Variants in GRM7 observed in about 807,000 individuals in gnomAD.
The protein encoded by GRM7 is metabotropic glutamate receptor 7.
Under a neutral mutation model 84.5 loss-of-function variants are expected in GRM7, and 35 were observed. The ratio of observed to expected loss-of-function variants is 0.41; its 90% CI spans 0.32 to 0.55. The LOEUF is 0.55. Ranked by LOEUF, GRM7 falls within the 20% of genes least tolerant of loss-of-function variation. The pLI is 0.19. For missense variants in GRM7, 1,003 were observed against 1,194.6 expected (o/e 0.84, Z 2.36); for synonymous variants, 487 against 455.1 (o/e 1.07, Z -0.89).
At chr3:6,910,473 A>G (rs1182360938) in intron 1 of GRM7, among the ~76,000 whole-genome samples, 2 of 152,174 alleles carry the variant, frequency 1.3e-5, no homozygotes, top group African/African-American at 4.8e-5. Context: ...AAGGGGACAC[A>G]GGCAGTGTGC....
chr3:7,411,302 A>T (rs903998507), intron 4 of GRM7, among the ~76,000 whole-genome samples: 3 of 152,172 alleles, frequency 2.0e-5, no homozygotes, highest in Non-Finnish European at 4.4e-5. Flanking sequence ...CCAAATTTAA[A>T]CCACTGCCAT....
chr3:7,045,256 T>C (rs1395641459), intron 1 of GRM7, among the ~76,000 whole-genome samples: 2 of 152,180 alleles, frequency 1.3e-5, no homozygotes, highest in Non-Finnish European at 2.9e-5. Flanking sequence ...CAGCCTTCCA[T>C]TTGAAGTTCC....
intron 7 of GRM7, among the ~76,000 whole-genome samples, chr3:7,554,644 G>A (rs1430445585): frequency 6.6e-6 from 1 of 152,208 alleles, no homozygotes; most frequent in Non-Finnish European, 1.5e-5. Flanking sequence ...TGGGCAGACA[G>A]TAGGGATTGG....
chr3:7,499,447 A>G (rs4686129), intron 7 of GRM7, among the ~76,000 whole-genome samples: 91,216 of 151,960 alleles, frequency 0.6, 27,753 homozygotes, highest in East Asian at 0.74. Context: ...GATCCCTGAT[A>G]GAGTAACTTC....
chr3:7,601,754 G>A (rs1454339117), intron 8 of GRM7, among the ~76,000 whole-genome samples: 1 of 152,024 alleles, frequency 6.6e-6, no homozygotes, highest in Admixed American at 6.6e-5. Context: ...AGCAACTGGG[G>A]CCATGTACCT....
chr3:7,312,426 A>C (rs59164490), intron 4 of GRM7, among the ~76,000 whole-genome samples: 9,296 of 151,982 alleles, frequency 0.061, 944 homozygotes, highest in African/African-American at 0.21. Context: ...TAGGTGGACA[A>C]CCTTTGGGGA....
At position 7,600,259 on chromosome 3, in the gene GRM7, A is replaced by G. The variant is rs147212897; in HGVS notation, c.2451+20902A>G. 4.6e-3 allele frequency among the ~76,000 whole-genome samples: 696 copies of G among 152,282 alleles called. 4 individuals are homozygous for G. Among genetic ancestry groups the G allele is most frequent in the Middle Eastern group, 0.014 (4 of 294 alleles). ...GGTATAGTGTTTGTTAGGAAGAAAA[A>G]GCAATTTTAATTTAGAGGGAAACAG... is the stretch of plus-strand genomic sequence containing the variant. On this transcript the variant is annotated intron_variant, in intron 8 of 9. Coordinates refer to ENST00000357716, the MANE Select transcript of GRM7 (RefSeq NM_000844.4).
chr3:7,124,746 G>GT (rs1559456144), intron 1 of GRM7, among the ~76,000 whole-genome samples: 1 of 152,086 alleles, frequency 6.6e-6, no homozygotes, highest in Non-Finnish European at 1.5e-5. Context: ...CCATCACAAT[G>GT]AGAACTTTTT....
intron 1 of GRM7, among the ~76,000 whole-genome samples, chr3:7,010,855 C>A (rs1472476): frequency 1.3e-5 from 2 of 151,920 alleles, no homozygotes; most frequent in Non-Finnish European, 2.9e-5. Context: ...CATGGAACTG[C>A]CAGAAAATGG....
At chr3:7,434,005 C>G (rs550437754) in intron 5 of GRM7, among the ~76,000 whole-genome samples, 1 of 70,978 alleles carries the variant, frequency 1.4e-5, no homozygotes, top group African/African-American at 6.2e-5. Context: ...TTTGATTTCT[C>G]TCTTGTTTTC....
intron 4 of GRM7, among the ~76,000 whole-genome samples, chr3:7,316,247 A>G (rs1335457561): frequency 2.0e-5 from 3 of 152,134 alleles, no homozygotes; most frequent in Non-Finnish European, 2.9e-5. Context: ...AGGTGATTGC[A>G]TGGACTTTGC....
At position 7,500,895 on chromosome 3, in the gene GRM7, C is replaced by T. The variant is rs570568759; in HGVS notation, c.1515+39173C>T. On this transcript the variant is annotated intron_variant, in intron 7 of 9. Coordinates refer to ENST00000357716, the MANE Select transcript of GRM7 (RefSeq NM_000844.4). ...TCAAGCCCAGGCTGCAGCCTACTTC[C>T]GAATCCAGATATCCCACATCATGAA... 1.4e-4 allele frequency among the ~76,000 whole-genome samples: 21 copies of T among 152,306 alleles called. No individual in the cohort carries two copies. The South Asian group carries it at 1.9e-3, about 14-fold the overall frequency.
intron 9 of GRM7, among the ~76,000 whole-genome samples, chr3:7,689,010 CAA>C (rs1203141070): frequency 6.6e-6 from 1 of 152,172 alleles, no homozygotes; most frequent in Non-Finnish European, 1.5e-5. Flanking sequence ...TAAAACTCTG[CAA>C]AGTGTTATCA....
At chr3:7,014,705 A>G (rs2124900936) in intron 1 of GRM7, among the ~76,000 whole-genome samples, 2 of 152,304 alleles carry the variant, frequency 1.3e-5, no homozygotes, top group South Asian at 4.1e-4. Flanking sequence ...TATTGACTAT[A>G]TATCTGTCTC....
intron 1 of GRM7, among the ~76,000 whole-genome samples, chr3:7,056,425 C>T (rs1236260414): frequency 6.6e-6 from 1 of 151,968 alleles, no homozygotes; most frequent in Non-Finnish European, 1.5e-5. Flanking sequence ...CTCAGTCCAC[C>T]ATGTATATGC....
intron 9 of GRM7, among the ~76,000 whole-genome samples, chr3:7,733,143 A>G (rs1218430337): frequency 6.6e-6 from 1 of 152,126 alleles, no homozygotes; most frequent in East Asian, 1.9e-4. Flanking sequence ...ATCTTGTGCC[A>G]ACCTCCTCTC....
chr3:7,283,669 T>C (rs1699330313), intron 2 of GRM7, among the ~76,000 whole-genome samples: 1 of 152,144 alleles, frequency 6.6e-6, no homozygotes, highest in Non-Finnish European at 1.5e-5. Flanking sequence ...AGCACAAAAA[T>C]ACTTTCATCA....
intron 1 of GRM7, among the ~76,000 whole-genome samples, chr3:6,879,717 A>G (rs1052305024): frequency 1.2e-4 from 18 of 152,222 alleles, no homozygotes; most frequent in African/African-American, 4.3e-4. Flanking sequence ...GGATGCTAGG[A>G]AGAATTCTGG....
intron 3 of GRM7, among the ~76,000 whole-genome samples, chr3:7,300,491 G>A (rs151246810): frequency 6.6e-6 from 1 of 152,144 alleles, no homozygotes; most frequent in African/African-American, 2.4e-5. Context: ...GGTTCTTTGG[G>A]CCTCAAGTCT....
Sources: gnomAD v4.1 joint callset for allele counts (sites outside exome capture counted in the v4.1 genomes callset) on GRCh38, gnomAD v4.1.1 for gene constraint, MANE v1.5 for transcripts, NCBI Gene and HGNC (gene_info 2026-07-23, HGNC 2026-07-21) for gene names.